The following SDK1 variants were observed in gnomAD, a reference collection of about 807,000 sequenced individuals.
SDK1 encodes protein sidekick-1.
Under a neutral mutation model 245.5 loss-of-function variants are expected in SDK1, and 157 were observed. The observed-to-expected ratio is 0.64, with a 90% CI of 0.56 to 0.73. The LOEUF (loss-of-function observed/expected upper bound fraction) is 0.73. Ranked by LOEUF, SDK1 falls within the 30% of genes least tolerant of loss-of-function variation. SDK1 has a pLI of 0.00. For missense variants in SDK1, 3,583 were observed against 3,002.3 expected (o/e 1.19, Z -4.52); for synonymous variants, 1,647 against 1,278.5 (o/e 1.29, Z -6.15).
At chr7:3,433,496 T>C (rs1362649350) in intron 1 of SDK1, among the ~76,000 whole-genome samples, 4 of 152,164 alleles carry the variant, frequency 2.6e-5, no homozygotes, top group Admixed American at 1.3e-4. Context: ...TTTTTCTCTT[T>C]CTGTGTCTGC....
intron 5 of SDK1, among the ~76,000 whole-genome samples, chr7:3,946,349 A>G (rs1003591663): frequency 6.6e-6 from 1 of 151,974 alleles, no homozygotes; most frequent in African/African-American, 2.4e-5. Context: ...GGCTAATAAA[A>G]AAATTATTTT....
At chr7:3,462,412 A>G (rs1350639481) in intron 1 of SDK1, among the ~76,000 whole-genome samples, 1 of 152,116 alleles carries the variant, frequency 6.6e-6, no homozygotes, top group African/African-American at 2.4e-5. Context: ...CCAAAGCTAG[A>G]CCTAGTTCTG....
intron 1 of SDK1, among the ~76,000 whole-genome samples, chr7:3,420,791 G>T (rs1384537436): frequency 6.6e-6 from 1 of 152,206 alleles, no homozygotes; most frequent in African/African-American, 2.4e-5. Context: ...TGGGCAGGGT[G>T]TGCAGAGTCG....
chr7:3,974,496 A>G lies in SDK1; in HGVS notation c.1945A>G (p.Ile649Val), dbSNP rs1467801822. 1 of 1,613,952 alleles carries G rather than the reference A, an allele frequency of 6.2e-7. No individual in the cohort carries two copies. Among genetic ancestry groups the G allele is most frequent in the Non-Finnish European group, 8.5e-7 (1 of 1,180,026 alleles). Reference sequence around the variant, plus strand: ...CGACATCGGTGACTACAGCTGCGAGATTGTTTCTGAAGGAGGGAATGACTC... The same window carrying G: ...CGACATCGGTGACTACAGCTGCGAGGTTGTTTCTGAAGGAGGGAATGACTC... The part of the protein sequence containing the change: ...SGDIGDYSCE[I>V]VSEGGNDSRM... Residue 649 changes from isoleucine (I) to valine (V), a missense_variant, in exon 13 of 45, where the codon ATT becomes GTT. Ile to Val is a conservative substitution (Grantham distance 29). Transcript: ENST00000404826.
At chr7:3,722,118 G>A (rs1778828807) in intron 4 of SDK1, among the ~76,000 whole-genome samples, 2 of 152,002 alleles carry the variant, frequency 1.3e-5, no homozygotes, top group African/African-American at 4.8e-5. Flanking sequence ...GAGCTCTAGT[G>A]ATCTTCCTTC....
chr7:3,928,333 A>G (rs1248192538), intron 5 of SDK1, among the ~76,000 whole-genome samples: 1 of 152,206 alleles, frequency 6.6e-6, no homozygotes, highest in African/African-American at 2.4e-5. Context: ...CAGTGAGCCA[A>G]TAGTATTATT....
chr7:3,303,624 T>G (rs962986559), intron 1 of SDK1, among the ~76,000 whole-genome samples: 2 of 152,252 alleles, frequency 1.3e-5, no homozygotes, highest in African/African-American at 4.8e-5. Context: ...GGTACCTGTT[T>G]TACATTTATA....
chr7:3,831,716 A>C (rs1779916423), intron 5 of SDK1, among the ~76,000 whole-genome samples: 1 of 152,068 alleles, frequency 6.6e-6, no homozygotes, highest in African/African-American at 2.4e-5. Context: ...TGTTCATTGG[A>C]TGTCTGCTGT....
In SDK1 at chr7:4,186,411, A is replaced by G. The variant is rs140451653; in HGVS notation, c.5098+7825A>G. On this transcript the variant is annotated intron_variant, in intron 35 of 44. Transcript: ENST00000404826. ...TTATCCCCAGGGTCGCTCTTTAGCC[A>G]GAGTTAGTGGCAGCTGCCCCAGGAC... Among the ~76,000 whole-genome samples, 1,154 of 152,226 alleles carry G rather than the reference A, an allele frequency of 7.6e-3. 13 individuals carry two copies. The highest frequency in any genetic ancestry group is 0.027 in the African/African-American group (1,108 of 41,546).
intron 2 of SDK1, among the ~76,000 whole-genome samples, chr7:3,631,088 C>G (rs749754797): frequency 5.9e-5 from 9 of 152,078 alleles, no homozygotes; most frequent in Admixed American, 2.6e-4. Context: ...CACATGCTGC[C>G]ACGCCTGGTT....
At chr7:3,445,882 T>A (rs1369495794) in intron 1 of SDK1, among the ~76,000 whole-genome samples, 4 of 152,152 alleles carry the variant, frequency 2.6e-5, no homozygotes, top group Admixed American at 2.6e-4. Context: ...TGTTCTAATA[T>A]TCTCTTATCA....
At chr7:3,960,761 G>A (rs928659085) in intron 8 of SDK1, among the ~76,000 whole-genome samples, 2 of 152,210 alleles carry the variant, frequency 1.3e-5, no homozygotes, top group Non-Finnish European at 2.9e-5. Context: ...GGGAAAAAGT[G>A]TGAGAGAAGA....
chr7:3,450,949 T>C lies in SDK1; in HGVS notation c.298+149065T>C, dbSNP rs182275885. Among the ~76,000 whole-genome samples the C allele has an allele frequency of 1.7e-3, 256 of 152,110 alleles. 2 individuals are homozygous for C. Among genetic ancestry groups the C allele is most frequent in the Admixed American group, 2.9e-3 (45 of 15,292 alleles). ...GAAGCCAAAGGAGGAGAAAGTTTCA[T>C]AAAGGAAACGATAGTCATTGCAGTC... is the stretch of plus-strand genomic sequence containing the variant. On this transcript the variant is annotated intron_variant, in intron 1 of 44. Transcript: ENST00000404826.
At chr7:3,928,293 T>C (rs1779848748) in intron 5 of SDK1, among the ~76,000 whole-genome samples, 1 of 152,208 alleles carries the variant, frequency 6.6e-6, no homozygotes, top group Admixed American at 6.5e-5. Flanking sequence ...CCTTTATTTA[T>C]TTATTTATTT....
At chr7:3,929,567 T>C (rs1779901242) in intron 5 of SDK1, among the ~76,000 whole-genome samples, 1 of 152,210 alleles carries the variant, frequency 6.6e-6, no homozygotes, top group Admixed American at 6.5e-5. Flanking sequence ...TTGGCATCCT[T>C]AAAGCGGTGG....
intron 5 of SDK1, among the ~76,000 whole-genome samples, chr7:3,873,679 A>G (rs890760088): frequency 6.6e-6 from 1 of 152,026 alleles, no homozygotes; most frequent in Non-Finnish European, 1.5e-5. Flanking sequence ...ATTAATTCCT[A>G]TTGACCCATC....
At chr7:3,368,104 T>C (rs960061671) in intron 1 of SDK1, among the ~76,000 whole-genome samples, 2 of 152,240 alleles carry the variant, frequency 1.3e-5, no homozygotes, top group Non-Finnish European at 2.9e-5. Flanking sequence ...TTTGTAAGTA[T>C]ATTATTGACT....
chr7:4,052,131 A>G (rs1458890504), intron 19 of SDK1, among the ~76,000 whole-genome samples: 1 of 151,408 alleles, frequency 6.6e-6, no homozygotes, highest in African/African-American at 2.4e-5. Flanking sequence ...CTCTTCATGT[A>G]GAGTTCAATT....
intron 4 of SDK1, among the ~76,000 whole-genome samples, chr7:3,672,673 A>T (rs1283834117): frequency 2.2e-5 from 3 of 139,258 alleles, no homozygotes; most frequent in Non-Finnish European, 4.6e-5. Flanking sequence ...TTATATATAA[A>T]TTTGTTATTA....
Sources: gnomAD v4.1 joint callset for allele counts (sites outside exome capture counted in the v4.1 genomes callset) on GRCh38, gnomAD v4.1.1 for gene constraint, MANE v1.5 for transcripts, NCBI Gene and HGNC (gene_info 2026-07-23, HGNC 2026-07-21) for gene names.